ZFAT: variants seen among roughly 807,000 people sequenced by gnomAD.
The protein encoded by ZFAT is zinc finger protein ZFAT.
Under a neutral mutation model 117.7 loss-of-function variants are expected in ZFAT, and 64 were observed. That is an observed-to-expected ratio of 0.54 (90% CI 0.44 to 0.67). The LOEUF (loss-of-function observed/expected upper bound fraction) is 0.67, where lower values mean the gene tolerates loss of function less well. Among genes scored for constraint, ZFAT ranks in the 30% least tolerant of loss-of-function variants. The pLI is 0.00. For missense variants in ZFAT, 1,433 were observed against 1,584.5 expected, an observed-to-expected ratio of 0.90 and a Z score of 1.62; for synonymous variants, 679 against 615.0, an observed-to-expected ratio of 1.10 and a Z score of -1.54.
At chr8:134,535,889 C>T (rs370891656) in intron 11 of ZFAT, among the ~76,000 whole-genome samples, 2 of 152,104 alleles carry the variant, frequency 1.3e-5, no homozygotes, top group African/African-American at 4.8e-5. Context: ...CATTTACATA[C>T]AAATCAAAAA....
rs898673181 is a variant in ZFAT, at chr8:134,619,861, G to A, written c.449-9206C>T. ...GTGAGGAGAAGAGGTGACTGAGCCTGGACACTGTCTCCATGAGTGGTACAC... is the reference window on the plus strand; with the variant it reads ...GTGAGGAGAAGAGGTGACTGAGCCTAGACACTGTCTCCATGAGTGGTACAC... On this transcript the variant is annotated intron_variant, in intron 3 of 15. Transcript: ENST00000377838. Among the ~76,000 whole-genome samples, 3 of 152,178 alleles carry A rather than the reference G, an allele frequency of 2.0e-5. 1 individual carries two copies. Among genetic ancestry groups the A allele is most frequent in the East Asian group, 1.9e-4 (1 of 5,186 alleles).
At chr8:134,659,581 G>A (rs893558292) in intron 1 of ZFAT, among the ~76,000 whole-genome samples, 8 of 152,156 alleles carry the variant, frequency 5.3e-5, no homozygotes, top group Non-Finnish European at 7.4e-5. Context: ...TGGCTTGTGC[G>A]TGCAGAACTC....
At chr8:134,588,692 T>C (rs1826236868) in intron 8 of ZFAT, among the ~76,000 whole-genome samples, 1 of 152,132 alleles carries the variant, frequency 6.6e-6, no homozygotes, top group Non-Finnish European at 1.5e-5. Context: ...TAAGTCAATG[T>C]CATGGAAAAA....
At chr8:134,652,962 C>T (rs1831335734) in intron 2 of ZFAT, among the ~76,000 whole-genome samples, 1 of 152,004 alleles carries the variant, frequency 6.6e-6, no homozygotes, top group Non-Finnish European at 1.5e-5. Flanking sequence ...TTCATGACAA[C>T]ATTTATTGTA....
the ZFAT span, among the ~76,000 whole-genome samples, chr8:134,822,321 G>A: frequency 6.6e-6 from 1 of 151,934 alleles, no homozygotes; most frequent in Non-Finnish European, 1.5e-5. Context: ...TTTATTTCCT[G>A]GCACTATTCA....
At chr8:134,813,868 A>AT in the ZFAT span, among the ~76,000 whole-genome samples, 585 of 151,862 alleles carry the variant, frequency 3.9e-3, 8 homozygotes, top group Non-Finnish European at 2.0e-3. Context: ...TAGATTAAAA[A>AT]ATATATATAT....
chr8:134,744,866 A>G, the ZFAT span, among the ~76,000 whole-genome samples: 1 of 150,472 alleles, frequency 6.6e-6, no homozygotes. Flanking sequence ...AGTAGCTGGG[A>G]CTACAGGCGC....
intron 15 of ZFAT, among the ~76,000 whole-genome samples, chr8:134,494,124 G>A (rs1157771333): frequency 6.6e-6 from 1 of 152,036 alleles, no homozygotes; most frequent in Non-Finnish European, 1.5e-5. Context: ...TCCTCACACA[G>A]GGAGCACTCT....
chr8:134,529,657 C>T (rs1261803311), intron 12 of ZFAT, among the ~76,000 whole-genome samples: 2 of 152,170 alleles, frequency 1.3e-5, no homozygotes, highest in Non-Finnish European at 2.9e-5. Flanking sequence ...ACCCAGTGCC[C>T]TCAGGGTGAA....
chr8:134,546,646 C>T (rs1054995494), intron 11 of ZFAT, among the ~76,000 whole-genome samples: 2 of 152,332 alleles, frequency 1.3e-5, no homozygotes, highest in South Asian at 4.1e-4. Flanking sequence ...AGAACAGATG[C>T]TTCTGAGAAA....
the ZFAT span, among the ~76,000 whole-genome samples, chr8:134,750,726 A>C: frequency 1.3e-5 from 2 of 152,156 alleles, no homozygotes; most frequent in Non-Finnish European, 2.9e-5. Context: ...TGATTGCACC[A>C]CTGCACTCCA....
At chr8:134,598,784 C>T (rs747755379) in intron 7 of ZFAT, 1 of 152,206 alleles carries the variant, frequency 6.6e-6, no homozygotes, top group Non-Finnish European at 1.5e-5. Context: ...TAGTCCATGA[C>T]ACACAGTGCT....
chr8:134,820,782 A>G, the ZFAT span, among the ~76,000 whole-genome samples: 1 of 152,244 alleles, frequency 6.6e-6, no homozygotes, highest in Non-Finnish European at 1.5e-5. Flanking sequence ...AGAGAGAAGC[A>G]ATAAATATTT....
chr8:134,564,589 G>A (rs963562875), intron 11 of ZFAT, among the ~76,000 whole-genome samples: 6 of 152,172 alleles, frequency 3.9e-5, no homozygotes, highest in Non-Finnish European at 8.8e-5. Context: ...GGGATGTAAT[G>A]GTAGACATAA....
chr8:134,672,241 T>C (rs1423246654), intron 1 of ZFAT, among the ~76,000 whole-genome samples: 1 of 152,122 alleles, frequency 6.6e-6, no homozygotes, highest in Non-Finnish European at 1.5e-5. Flanking sequence ...CTTCACAGAA[T>C]TGGAAAAAAC....
Position 134,601,830 on chromosome 8 carries a change from A to G in ZFAT, c.1889T>C (p.Val630Ala). The change falls in exon 6 of 16, where the codon GTG becomes GCG. Residue 630 changes from valine (V) to alanine (A), a missense_variant. By Grantham distance (64) the Val-to-Ala change is moderately conservative (BLOSUM62 0). This residue lies in a region of ZFAT where 372 missense variants were observed against 355.6 expected (regional missense o/e 1.05). Coordinates refer to ENST00000377838, the MANE Select transcript of ZFAT (RefSeq NM_020863.4). Reference protein sequence around the residue: ...HRSSVQTQGEVITLLLSKAQS... With the variant: ...HRSSVQTQGEAITLLLSKAQS... ...GGCCTTGGACAGCAGTAGTGTGATC[A>G]CTTCACCTTGCGTCTGGACTGAGCT... 6.2e-7 allele frequency: 1 copy of G among 1,613,310 alleles called. No homozygotes were observed. The highest frequency in any genetic ancestry group is 8.5e-7 in the Non-Finnish European group (1 of 1,179,514).
the ZFAT span, among the ~76,000 whole-genome samples, chr8:134,827,576 T>C: frequency 6.6e-6 from 1 of 152,052 alleles, no homozygotes; most frequent in Non-Finnish European, 1.5e-5. Context: ...GAGACCAGCC[T>C]GGCCAACATG....
At chr8:134,656,001 C>T (rs1043287383) in intron 2 of ZFAT, among the ~76,000 whole-genome samples, 3 of 152,168 alleles carry the variant, frequency 2.0e-5, no homozygotes, top group Admixed American at 1.3e-4. Context: ...TGACTAAACA[C>T]AGTTCTTGAC....
intron 7 of ZFAT, among the ~76,000 whole-genome samples, chr8:134,591,296 G>A (rs188854468): frequency 3.9e-5 from 6 of 152,332 alleles, no homozygotes; most frequent in Admixed American, 6.5e-5. Context: ...GTGTGCGGAC[G>A]CCCACCCAGG....
Sources: allele counts gnomAD v4.1 joint callset (sites outside exome capture counted in the v4.1 genomes callset), GRCh38; gene constraint gnomAD v4.1.1; regional missense constraint gnomAD v4.1.1; transcripts MANE v1.5; gene names NCBI Gene and HGNC (gene_info 2026-07-23, HGNC 2026-07-21).